COL19A1: variants seen among roughly 807,000 people sequenced by gnomAD.
COL19A1 encodes collagen type XIX alpha 1 chain.
Under a neutral mutation model 190.2 loss-of-function variants are expected in COL19A1, and 159 were observed. The ratio of observed to expected loss-of-function variants is 0.84; its 90% CI spans 0.73 to 0.95. The LOEUF (loss-of-function observed/expected upper bound fraction) is 0.95, where lower values mean the gene tolerates loss of function less well. Ranked by LOEUF, COL19A1 falls within the 40% of genes least tolerant of loss-of-function variation. COL19A1 has a pLI of 0.00. For synonymous variants in COL19A1, 509 were observed against 458.9 expected (o/e 1.11, Z -1.39); for missense variants, 1,418 against 1,431.9 (o/e 0.99, Z 0.16).
rs760730839 is a variant in COL19A1 at position 69,879,690 on chromosome 6, A to C, written c.91+32A>C. ...AGGCCAACTCTTTGCCTAATCACCA[A>C]ATGTTATTTATAGCCTTTAAGTCAT... On this transcript the variant is annotated intron_variant, in intron 2 of 50. Coordinates refer to ENST00000620364, the MANE Select transcript of COL19A1 (RefSeq NM_001858.6). 3.8e-6 allele frequency: 6 copies of C among 1,587,316 alleles called. No individual in the cohort carries two copies. The African/African-American group carries it at 5.4e-5, about 14-fold the overall frequency.
At chr6:70,112,589 C>T (rs1784345288) in intron 16 of COL19A1, among the ~76,000 whole-genome samples, 1 of 152,014 alleles carries the variant, frequency 6.6e-6, no homozygotes. Flanking sequence ...AGGTTGATAT[C>T]TGGGGAAATA....
chr6:70,053,836 T>A (rs1780346704), intron 14 of COL19A1, among the ~76,000 whole-genome samples: 1 of 152,218 alleles, frequency 6.6e-6, no homozygotes, highest in South Asian at 2.1e-4. Context: ...CTTTATTTAG[T>A]GCATGTATTA....
intron 2 of COL19A1, 142 bp from the exon 3 acceptor site, chr6:69,898,806 G>C: frequency 1.7e-6 from 1 of 597,190 alleles, no homozygotes; most frequent in Non-Finnish European, 3.0e-6. Flanking sequence ...ACACTGAGGT[G>C]GTTAATGTTC....
rs537142190 is a variant in COL19A1 at position 70,145,041 on chromosome 6, G to C, written c.1770+34G>C. The C allele has an allele frequency of 5.0e-5, 71 of 1,429,204 alleles. No homozygotes were observed. In the Admixed American group the frequency reaches 1.0e-3, roughly 20 times the overall value. The allele number at this position is 1,429,204 out of a possible 1,614,324, so 88.5% of individuals were successfully genotyped here. ...TAGCCCTTTTGTTAATATTTTTCTT[G>C]CAAGTTCATTAATTACTACTTGTGG... On this transcript the variant is annotated intron_variant, in intron 25 of 50. Transcript: ENST00000620364.
At chr6:70,082,913 A>G (rs528553619) in intron 15 of COL19A1, among the ~76,000 whole-genome samples, 20 of 152,270 alleles carry the variant, frequency 1.3e-4, no homozygotes, top group African/African-American at 4.8e-4. Flanking sequence ...TGAGTGGTTC[A>G]CAATAGGGTT....
At chr6:70,195,938 T>G in intron 48 of COL19A1, among the ~76,000 whole-genome samples, 1 of 152,204 alleles carries the variant, frequency 6.6e-6, no homozygotes, top group East Asian at 1.9e-4. Flanking sequence ...TTAGGAGGAT[T>G]GTTTTGCTAG....
chr6:70,115,825 G>GTTTTTTTTTTT (rs57814985), intron 16 of COL19A1, among the ~76,000 whole-genome samples: 35 of 117,170 alleles, frequency 3.0e-4, no homozygotes, highest in African/African-American at 5.8e-4. Flanking sequence ...TTGGTGTTTT[G>GTTTTTTTTTTT]TTTTTTTTTT....
intron 16 of COL19A1, among the ~76,000 whole-genome samples, chr6:70,110,801 A>C (rs1335623832): frequency 6.6e-6 from 1 of 152,156 alleles, no homozygotes; most frequent in Non-Finnish European, 1.5e-5. Context: ...GGTGGAAAAA[A>C]TATTATATTT....
At chr6:69,932,634 C>G (rs2150015670) in intron 6 of COL19A1, 149 bp from the exon 7 acceptor site, 1 of 563,044 alleles carries the variant, frequency 1.8e-6, no homozygotes, top group Non-Finnish European at 3.2e-6. Flanking sequence ...AACAATGAAT[C>G]CTACATTTAA....
chr6:70,197,457 C>T (rs9360414), intron 48 of COL19A1, among the ~76,000 whole-genome samples: 53,497 of 151,688 alleles, frequency 0.35, 9,690 homozygotes, highest in Middle Eastern at 0.47. Context: ...TGTACTGAAA[C>T]ACATCTCTTC....
chr6:69,947,863 T>C lies in COL19A1; in HGVS notation c.936+9763T>C, dbSNP rs115126895. 2.6e-3 allele frequency among the ~76,000 whole-genome samples: 392 copies of C among 151,990 alleles called. 5 individuals are homozygous for C. The highest frequency in any genetic ancestry group is 8.8e-3 in the African/African-American group (367 of 41,534). On this transcript the variant is annotated intron_variant, in intron 9 of 50. Coordinates refer to ENST00000620364, the MANE Select transcript of COL19A1 (RefSeq NM_001858.6). ...TTTACTCCTATAGGAATGTAACTGT[T>C]AAACTCAGTAAAGTCCAACAAACTC...
intron 12 of COL19A1, among the ~76,000 whole-genome samples, chr6:70,030,881 C>T (rs9342782): frequency 0.53 from 80,487 of 151,954 alleles, 21,759 homozygotes; most frequent in East Asian, 0.81. Flanking sequence ...AAGCCTGTCC[C>T]AGCCATCCTG....
At chr6:69,890,968 G>A (rs145031399) in intron 2 of COL19A1, 13 of 230,456 alleles carry the variant, frequency 5.6e-5, no homozygotes, top group East Asian at 2.0e-4. Flanking sequence ...TTGGGGAAAC[G>A]GAAGTCGGAG....
At chr6:69,951,020 A>C (rs1399760442) in intron 9 of COL19A1, among the ~76,000 whole-genome samples, 1 of 151,914 alleles carries the variant, frequency 6.6e-6, no homozygotes, top group Non-Finnish European at 1.5e-5. Context: ...TTTATGCTAA[A>C]ACCCATATTC....
intron 9 of COL19A1, among the ~76,000 whole-genome samples, chr6:69,958,895 C>A (rs554219985): frequency 1.3e-5 from 2 of 151,928 alleles, no homozygotes; most frequent in Non-Finnish European, 2.9e-5. Context: ...TTGAATTTTG[C>A]TTAAATAATT....
intron 40 of COL19A1, among the ~76,000 whole-genome samples, chr6:70,170,579 T>C (rs900242197): frequency 5.3e-5 from 8 of 152,134 alleles, no homozygotes; most frequent in African/African-American, 1.9e-4. Flanking sequence ...TGTTGATTGA[T>C]TGAGCACCTC....
At chr6:70,052,185 A>G (rs1475580756) in intron 14 of COL19A1, among the ~76,000 whole-genome samples, 4 of 152,094 alleles carry the variant, frequency 2.6e-5, no homozygotes, top group Non-Finnish European at 4.4e-5. Flanking sequence ...AGTGTACTAA[A>G]CCAAGTAGTC....
chr6:70,194,487 T>G (rs16868648), intron 48 of COL19A1, among the ~76,000 whole-genome samples: 2,681 of 152,342 alleles, frequency 0.018, 85 homozygotes, highest in African/African-American at 0.061. Context: ...TTGATCACTA[T>G]GCACAAATAT....
chr6:70,059,119 A>C (rs1003182839), intron 14 of COL19A1, among the ~76,000 whole-genome samples: 1 of 152,078 alleles, frequency 6.6e-6, no homozygotes, highest in African/African-American at 2.4e-5. Context: ...GTAGTTTAGA[A>C]TTTATGCAGA....
Sources: gnomAD v4.1 joint callset for allele counts (sites outside exome capture counted in the v4.1 genomes callset) on GRCh38, gnomAD v4.1.1 for gene constraint, MANE v1.5 for transcripts, NCBI Gene and HGNC (gene_info 2026-07-23, HGNC 2026-07-21) for gene names.